WDR27: variants seen among roughly 807,000 people sequenced by gnomAD.
The protein encoded by WDR27 is WD repeat-containing protein 27.
A neutral mutation model predicts 114.4 loss-of-function variants in WDR27; 100 were observed. That is an observed-to-expected ratio of 0.87 (90% CI 0.74 to 1.03). The LOEUF is 1.03. WDR27 is among the 50% of genes least tolerant of loss of function. WDR27 has a pLI of 0.00. For missense variants in WDR27, 1,129 were observed against 1,092.9 expected, an observed-to-expected ratio of 1.03 and a Z score of -0.47; for synonymous variants, 449 against 423.1, an observed-to-expected ratio of 1.06 and a Z score of -0.75.
chr6:169,564,098 G>A (rs1156835895), intron 25 of WDR27, among the ~76,000 whole-genome samples: 1 of 152,226 alleles, frequency 6.6e-6, no homozygotes, highest in African/African-American at 2.4e-5. Flanking sequence ...AAACAATGTA[G>A]CCTTCAGTCT....
At position 169,632,985 on chromosome 6, in the gene WDR27, C is replaced by A. The variant is rs1180535394; in HGVS notation, c.2185G>T (p.Ala729Ser). The stretch of plus-strand genomic sequence containing the variant: ...ATTTGATGGACAGGCCGTGAGTGGG[C>A]TTCCGCTATCACCGCTGCACTGCAG... ...AGCSAAVIAE[A>S]HSRPVHQICQ... The change falls in exon 21 of 26, where the codon GCC becomes TCC. Residue 729 changes from alanine (A) to serine (S), a missense_variant. Physicochemically the swap from Ala to Ser is moderately conservative, Grantham distance 99 (BLOSUM62 1). Coordinates refer to ENST00000448612, the MANE Select transcript of WDR27 (RefSeq NM_182552.5). 1.3e-6 allele frequency: 2 copies of A among 1,596,254 alleles called. No homozygotes were observed. The highest frequency in any genetic ancestry group is 2.7e-5 in the African/African-American group (2 of 74,660).
intron 21 of WDR27, among the ~76,000 whole-genome samples, chr6:169,618,338 G>A (rs1812339582): frequency 6.6e-6 from 1 of 152,216 alleles, no homozygotes; most frequent in East Asian, 1.9e-4. Flanking sequence ...CAGGCAAAGA[G>A]TAGTATCCTA....
chr6:169,672,320 C>G lies in WDR27; in HGVS notation c.266G>C (p.Cys89Ser). Residue 89 changes from cysteine to serine, a missense_variant, in exon 3 of 26, where the codon TGC (cysteine) becomes TCC (serine). By Grantham distance (112) the Cys-to-Ser change is moderately radical. Transcript: ENST00000448612. ...TATAACATAATCCAGTGATGCTGAG[C>G]AGATTAGAAGTGGGTTCACTTTATT... ...FGNKVNPLLI[C>S]SASLDYVIMW... 1 of 1,613,576 alleles carries G rather than the reference C, an allele frequency of 6.2e-7. No homozygotes were observed. The highest frequency in any genetic ancestry group is 1.1e-5 in the South Asian group (1 of 91,004).
chr6:169,651,334 A>AT (rs2128243770), intron 14 of WDR27, among the ~76,000 whole-genome samples: 1 of 152,190 alleles, frequency 6.6e-6, no homozygotes, highest in South Asian at 2.1e-4. Flanking sequence ...GTTAAGAGAC[A>AT]TAAAAAGTCA....
At chr6:169,670,360 A>T in intron 4 of WDR27, 2 of 463,892 alleles carry the variant, frequency 4.3e-6, no homozygotes, top group Non-Finnish European at 7.4e-6. Context: ...AAAGAGTTTT[A>T]ATATTTATAT....
chr6:169,457,946 G>A (rs1784457964), intron 25 of WDR27, among the ~76,000 whole-genome samples: 1 of 150,284 alleles, frequency 6.7e-6, no homozygotes, highest in Admixed American at 6.6e-5. Flanking sequence ...CAGAGCTGAG[G>A]AGCTGGCCGC....
At chr6:169,604,212 G>A (rs924945704) in intron 22 of WDR27, among the ~76,000 whole-genome samples, 1 of 152,006 alleles carries the variant, frequency 6.6e-6, no homozygotes, top group Non-Finnish European at 1.5e-5. Context: ...TAAACCACTT[G>A]TAGACTAACC....
intron 25 of WDR27, among the ~76,000 whole-genome samples, chr6:169,532,925 C>T (rs987899850): frequency 2.6e-5 from 4 of 151,750 alleles, no homozygotes; most frequent in African/African-American, 9.7e-5. Flanking sequence ...TGATAGCAAT[C>T]CAGCACCTAT....
intron 25 of WDR27, among the ~76,000 whole-genome samples, chr6:169,475,508 CCACT>C (rs1455592617): frequency 6.6e-6 from 1 of 152,218 alleles, no homozygotes; most frequent in African/African-American, 2.4e-5. Context: ...TAGGTATGAG[CCACT>C]GCATCTGGCC....
At chr6:169,505,131 T>A (rs899895287) in intron 25 of WDR27, among the ~76,000 whole-genome samples, 10 of 152,174 alleles carry the variant, frequency 6.6e-5, no homozygotes, top group African/African-American at 2.2e-4. Context: ...CTAAGTAAAT[T>A]TTCCTTTGGA....
At chr6:169,686,782 T>C (rs1247248238) in intron 2 of WDR27, among the ~76,000 whole-genome samples, 1 of 152,148 alleles carries the variant, frequency 6.6e-6, no homozygotes, top group East Asian at 1.9e-4. Context: ...ATTTGGTACA[T>C]ATACACAATG....
At chr6:169,644,214 A>G (rs1819917399) in intron 16 of WDR27, among the ~76,000 whole-genome samples, 1 of 147,358 alleles carries the variant, frequency 6.8e-6, no homozygotes, top group African/African-American at 2.5e-5. Context: ...CACAGGAGTC[A>G]CACTGTTGAA....
intron 23 of WDR27, among the ~76,000 whole-genome samples, chr6:169,584,656 T>C (rs1804202734): frequency 6.6e-6 from 1 of 152,242 alleles, no homozygotes; most frequent in Non-Finnish European, 1.5e-5. Context: ...TTATGATTAG[T>C]GATGTGGAGC....
intron 15 of WDR27, among the ~76,000 whole-genome samples, chr6:169,648,458 A>G (rs1821369071): frequency 6.6e-6 from 1 of 152,136 alleles, no homozygotes; most frequent in South Asian, 2.1e-4. Context: ...GCTGAACGGA[A>G]CTCTGATGCC....
chr6:169,613,612 G>C lies in WDR27; in HGVS notation c.2268C>G (p.Phe756Leu), dbSNP rs1256162225. The stretch of plus-strand genomic sequence containing the variant: ...TCCCATCGCCAATGGCCGTGGTCAG[G>C]AAAAGGTTATAAGCCTGAGGCTGTT... ...TTQQPQAYNLFLTTAIGDGMR... is the reference protein window; with the variant it reads ...TTQQPQAYNLLLTTAIGDGMR... Residue 756 changes from phenylalanine (F) to leucine (L), a missense_variant, in exon 22 of 26, where the codon TTC (phenylalanine) becomes TTG (leucine). Physicochemically the swap from Phe to Leu is conservative, Grantham distance 22. Transcript: ENST00000448612. 1 of 1,613,876 alleles carries C rather than the reference G, an allele frequency of 6.2e-7. No individual in the cohort carries two copies. Among genetic ancestry groups the C allele is most frequent in the South Asian group, 1.1e-5 (1 of 91,060 alleles).
At chr6:169,484,967 T>A (rs1160191151) in intron 25 of WDR27, among the ~76,000 whole-genome samples, 2 of 152,182 alleles carry the variant, frequency 1.3e-5, no homozygotes, top group Non-Finnish European at 2.9e-5. Flanking sequence ...TGGCTAGCTA[T>A]ATGCAGAAGA....
chr6:169,695,639 T>C (rs1785706675), intron 1 of WDR27, among the ~76,000 whole-genome samples: 1 of 152,104 alleles, frequency 6.6e-6, no homozygotes, highest in Admixed American at 6.5e-5. Context: ...GTGAGGAGTC[T>C]AAATACCCCG....
chr6:169,457,754 T>C (rs774224683), intron 25 of WDR27, 120 bp from the exon 26 acceptor site: 16 of 665,080 alleles, frequency 2.4e-5, no homozygotes, highest in Non-Finnish European at 4.1e-5. Context: ...GAACATCGAG[T>C]AAAATACATT....
At chr6:169,646,747 C>CA (rs201219275) in intron 16 of WDR27, among the ~76,000 whole-genome samples, 12,352 of 78,212 alleles carry the variant, frequency 0.16, 1,507 homozygotes, top group East Asian at 0.65. Context: ...GTCTCTGTCT[C>CA]AAAAAAAAAA....
Sources: allele counts gnomAD v4.1 joint callset (sites outside exome capture counted in the v4.1 genomes callset), GRCh38; gene constraint gnomAD v4.1.1; transcripts MANE v1.5; gene names NCBI Gene and HGNC (gene_info 2026-07-23, HGNC 2026-07-21).